Variants in CHAT observed in about 807,000 individuals in gnomAD.
CHAT encodes acetyl CoA:choline O-acetyltransferase.
Under a neutral mutation model 76.9 loss-of-function variants are expected in CHAT, and 61 were observed. The ratio of observed to expected loss-of-function variants is 0.79; its 90% confidence interval spans 0.65 to 0.98. The LOEUF is 0.98. CHAT is among the 50% of genes least tolerant of loss of function. The probability of loss-of-function intolerance (pLI) is 0.00; values close to 1 mark genes in which losing one functional copy is unlikely to be tolerated. For synonymous variants in CHAT, 407 were observed against 397.4 expected (o/e 1.02, Z -0.29); for missense variants, 946 against 986.9 (o/e 0.96, Z 0.56).
At chr10:49,661,807 G>C (rs990903160) in intron 13 of CHAT, among the ~76,000 whole-genome samples, 5 of 152,234 alleles carry the variant, frequency 3.3e-5, no homozygotes, top group South Asian at 4.2e-4. Flanking sequence ...AGCCTCAAGT[G>C]GGGGAGCTGT....
chr10:49,662,683 A>T lies in CHAT; in HGVS notation c.1878A>T (p.Ala626=). The T allele has an allele frequency of 6.2e-7, 1 of 1,614,194 alleles. No homozygotes were observed. The highest frequency in any genetic ancestry group is 8.5e-7 in the Non-Finnish European group (1 of 1,180,026). ...TGMAIDNHLL[A]LRELARAMCK... is the part of the protein sequence containing the mutation. ...TGGCCATTGACAACCACCTGCTGGC[A>T]CTGCGGGAGCTGGCCCGGGCCATGT... is the stretch of plus-strand genomic sequence containing the variant. Residue 626 remains alanine, a synonymous_variant, in exon 14 of 15, where the codon GCA becomes GCT. Coordinates refer to ENST00000337653, the MANE Select transcript of CHAT (RefSeq NM_020549.5).
At chr10:49,610,403 C>A, upstream of CHAT, 1 of 278,000 alleles carries the variant, frequency 3.6e-6, no homozygotes, top group Non-Finnish European at 6.7e-6. Context: ...CCAGCGCGGG[C>A]GGCCTCTTAG....
chr10:49,636,906 AT>A (rs1839311495), intron 7 of CHAT, among the ~76,000 whole-genome samples: 1 of 152,162 alleles, frequency 6.6e-6, no homozygotes, highest in South Asian at 2.1e-4. Context: ...GGATTGGTCC[AT>A]TTCATGTAAG....
intron 11 of CHAT, among the ~76,000 whole-genome samples, chr10:49,653,540 G>A (rs1839944645): frequency 6.6e-6 from 1 of 152,216 alleles, no homozygotes; most frequent in Non-Finnish European, 1.5e-5. Context: ...CAGCAGCCCA[G>A]TGTCCCCTGC....
rs572253104 is a variant in CHAT at position 49,655,313 on chromosome 10, C to T, written c.1777-73C>T. The T allele has an allele frequency of 1.2e-3, 2,002 of 1,612,680 alleles. 5 individuals are homozygous for T. Among genetic ancestry groups the T allele is most frequent in the Non-Finnish European group, 1.6e-3 (1,916 of 1,178,890 alleles). ...TTGCCCTGGGTTGCAGTGGGCTCGG[C>T]CCTCTGACCACCAGATGCTTTGGCT... On this transcript the variant is annotated intron_variant, in intron 12 of 14. Transcript: ENST00000337653.
At chr10:49,610,481 C>T (rs1285562063), upstream of CHAT, 2 of 399,522 alleles carry the variant, frequency 5.0e-6, no homozygotes, top group Non-Finnish European at 8.8e-6. Flanking sequence ...GGCCCCTCGG[C>T]GCGCCCGACT....
At chr10:49,610,940 G>A (rs547801205), upstream of CHAT, 7 of 1,610,596 alleles carry the variant, frequency 4.3e-6, no homozygotes, top group East Asian at 2.2e-5. Context: ...ATGCGCGGGG[G>A]CGGCGAGGGC....
chr10:49,663,966 G>T (rs1166805372), intron 14 of CHAT, among the ~76,000 whole-genome samples: 1 of 152,170 alleles, frequency 6.6e-6, no homozygotes, highest in African/African-American at 2.4e-5. Flanking sequence ...CATTAAAACA[G>T]CCAGTGTCAC....
chr10:49,638,291 T>G lies in CHAT; in HGVS notation c.1112-8214T>G, dbSNP rs564163767. Among the ~76,000 whole-genome samples, 3 of 152,344 alleles carry G rather than the reference T, an allele frequency of 2.0e-5. No individual in the cohort carries two copies. In the East Asian group the frequency reaches 5.8e-4, roughly 29 times the overall value. ...TTGATTAATGTTTGCATGCTATATA[T>G]TTTTCCTTCCTTTTACTTATAACCA... On this transcript the variant is annotated intron_variant, in intron 7 of 14. Coordinates refer to ENST00000337653, the MANE Select transcript of CHAT (RefSeq NM_020549.5).
intron 13 of CHAT, among the ~76,000 whole-genome samples, chr10:49,657,205 C>G (rs763279700): frequency 6.6e-6 from 1 of 152,122 alleles, no homozygotes; most frequent in Non-Finnish European, 1.5e-5. Flanking sequence ...AAAGCCTGCT[C>G]TGTGCTTCCA....
At chr10:49,614,824 G>T (rs575447531) in intron 1 of CHAT, among the ~76,000 whole-genome samples, 1 of 152,174 alleles carries the variant, frequency 6.6e-6, no homozygotes, top group African/African-American at 2.4e-5. Context: ...GTTGGCAACC[G>T]CTTCTCCCGG....
chr10:49,643,766 G>A (rs935072805), intron 7 of CHAT, among the ~76,000 whole-genome samples: 1 of 152,148 alleles, frequency 6.6e-6, no homozygotes, highest in African/African-American at 2.4e-5. Context: ...GTCTGAACTG[G>A]GTCCACAGAT....
chr10:49,639,015 C>T (rs936648938), intron 7 of CHAT, among the ~76,000 whole-genome samples: 4 of 152,026 alleles, frequency 2.6e-5, no homozygotes, highest in East Asian at 1.9e-4. Flanking sequence ...GAGGGTGGAT[C>T]GTGAGGTCAG....
At chr10:49,620,326 A>C (rs1267060015) in intron 3 of CHAT, among the ~76,000 whole-genome samples, 169 bp from the exon 4 acceptor site, 1 of 152,098 alleles carries the variant, frequency 6.6e-6, no homozygotes, top group African/African-American at 2.4e-5. Context: ...CACAAAGGTG[A>C]AGGACAGGCC....
At chr10:49,626,937 C>T (rs1279744103) in intron 6 of CHAT, among the ~76,000 whole-genome samples, 3 of 152,246 alleles carry the variant, frequency 2.0e-5, no homozygotes, top group African/African-American at 4.8e-5. Context: ...TGCACATGCA[C>T]GCATGGTGTG....
chr10:49,628,801 C>T (rs923973700), intron 7 of CHAT, among the ~76,000 whole-genome samples: 1 of 152,266 alleles, frequency 6.6e-6, no homozygotes, highest in Non-Finnish European at 1.5e-5. Context: ...GCAGGCAGAC[C>T]AACCCTGGGC....
chr10:49,633,197 CAA>C, intron 7 of CHAT, among the ~76,000 whole-genome samples: 1 of 152,288 alleles, frequency 6.6e-6, no homozygotes, highest in South Asian at 2.1e-4. Context: ...CTTAATAAAA[CAA>C]AATAAAACAG....
intron 6 of CHAT, 83 bp from the exon 7 acceptor site, chr10:49,627,525 C>G: frequency 7.0e-7 from 1 of 1,432,856 alleles, no homozygotes; most frequent in Non-Finnish European, 9.8e-7. Flanking sequence ...ATCCCTGCCC[C>G]AAGCTTACCT....
intron 13 of CHAT, among the ~76,000 whole-genome samples, chr10:49,662,405 C>G (rs370638119): frequency 1.3e-5 from 2 of 152,170 alleles, no homozygotes; most frequent in African/African-American, 4.8e-5. Context: ...AAGCTAGAAC[C>G]CAACCTGCTC....
Sources: gnomAD v4.1 joint callset for allele counts (sites outside exome capture counted in the v4.1 genomes callset) on GRCh38, gnomAD v4.1.1 for gene constraint, MANE v1.5 for transcripts, NCBI Gene and HGNC (gene_info 2026-07-23, HGNC 2026-07-21) for gene names.